Variants in CAPN8 observed in about 807,000 individuals in gnomAD.
CAPN8 encodes calpain-8.
Under a neutral mutation model 80.9 loss-of-function variants are expected in CAPN8, and 87 were observed. The observed-to-expected ratio is 1.07, with a 90% CI of 0.90 to 1.28. The LOEUF (loss-of-function observed/expected upper bound fraction) is 1.28. Among genes scored for constraint, CAPN8 ranks in the 50% most tolerant of loss-of-function variants. The pLI is 0.00. For missense variants in CAPN8, 757 were observed against 702.0 expected, an observed-to-expected ratio of 1.08 and a Z score of -0.89; for synonymous variants, 299 against 273.8, an observed-to-expected ratio of 1.09 and a Z score of -0.91.
intron 2 of CAPN8, among the ~76,000 whole-genome samples, chr1:223,633,546 C>G (rs1657833137): frequency 6.6e-6 from 1 of 152,082 alleles, no homozygotes. Context: ...CCTGTAGTAC[C>G]AGCTACTCAG....
At chr1:223,632,152 A>G (rs1408516488) in intron 2 of CAPN8, among the ~76,000 whole-genome samples, 5 of 152,206 alleles carry the variant, frequency 3.3e-5, no homozygotes, top group African/African-American at 1.2e-4. Context: ...CAGAGGCTCG[A>G]AGGGATGCTG....
At chr1:223,643,846 G>C (rs148822033) in intron 2 of CAPN8, among the ~76,000 whole-genome samples, 1 of 152,274 alleles carries the variant, frequency 6.6e-6, no homozygotes, top group South Asian at 2.1e-4. Flanking sequence ...GACTGAAGAC[G>C]GTAAACCCGT....
chr1:223,664,972 G>A (rs529359167), intron 1 of CAPN8, among the ~76,000 whole-genome samples: 2 of 152,072 alleles, frequency 1.3e-5, no homozygotes, highest in South Asian at 2.1e-4. Context: ...GTGATGGGGG[G>A]GCCAGATGCA....
chr1:223,612,299 A>C (rs1657048529), intron 10 of CAPN8, 42 bp from the exon 11 acceptor site: 1 of 1,233,898 alleles, frequency 8.1e-7, no homozygotes, highest in African/African-American at 1.6e-5. Flanking sequence ...GAGAGCTCCA[A>C]GGTCCTCCTT....
intron 1 of CAPN8, among the ~76,000 whole-genome samples, chr1:223,659,947 C>G (rs1257536467): frequency 1.3e-5 from 2 of 152,104 alleles, no homozygotes; most frequent in East Asian, 3.9e-4. Flanking sequence ...TATGTCTCTC[C>G]CTGATGAGCC....
chr1:223,622,213 G>C (rs1317445722), intron 7 of CAPN8, among the ~76,000 whole-genome samples: 2 of 152,152 alleles, frequency 1.3e-5, no homozygotes, highest in African/African-American at 4.8e-5. Context: ...TGCATGATGG[G>C]GACATGGATT....
rs751681462 is a variant in CAPN8 at position 223,550,975 on chromosome 1, C to T, written c.1684G>A (p.Glu562Lys). Residue 562 changes from glutamate to lysine, a missense_variant, in exon 15 of 21, where the codon GAG (glutamate) becomes AAG (lysine). By Grantham distance (56) the Glu-to-Lys change is moderately conservative. Transcript: ENST00000366872. Reference protein sequence around the residue: ...TANALKILLNEAFSKRTDIKF... With the variant: ...TANALKILLNKAFSKRTDIKF... The stretch of plus-strand genomic sequence containing the variant: ...AGGAACTTACTCTTGGAAAACGCCT[C>T]ATTCAAAAGTATCTTGAGTGCATTG... The T allele has an allele frequency of 7.0e-6, 5 of 718,256 alleles. No individual in the cohort carries two copies. The highest frequency in any genetic ancestry group is 5.9e-5 in the South Asian group (4 of 67,558). 44.5% of individuals were successfully genotyped at this position (718,256 alleles called of 1,614,324 possible). A position where few individuals can be genotyped will look rare whatever the true frequency, so the allele number is the denominator to read the frequency against.
At chr1:223,551,216 C>A (rs1468034939) in intron 14 of CAPN8, among the ~76,000 whole-genome samples, 199 bp from the exon 15 acceptor site, 1 of 152,120 alleles carries the variant, frequency 6.6e-6, no homozygotes, top group Non-Finnish European at 1.5e-5. Flanking sequence ...AATCTCTGCT[C>A]ACTGCAACCT....
chr1:223,655,707 G>C (rs1571741200), intron 1 of CAPN8, among the ~76,000 whole-genome samples: 2 of 152,298 alleles, frequency 1.3e-5, no homozygotes, highest in South Asian at 4.1e-4. Context: ...GATGATGGCT[G>C]CAAGACTTAG....
chr1:223,654,530 G>T, intron 1 of CAPN8, 131 bp from the exon 2 acceptor site: 1 of 772,674 alleles, frequency 1.3e-6, no homozygotes, highest in Non-Finnish European at 2.2e-6. Context: ...CCATCACATG[G>T]TTTTATTGCT....
chr1:223,622,914 A>G lies in CAPN8; in HGVS notation c.814-14T>C, dbSNP rs1418272059. 16 of 1,547,582 alleles carry G rather than the reference A, an allele frequency of 1.0e-5. No individual in the cohort carries two copies. In the Admixed American group the frequency reaches 2.5e-4, roughly 25 times the overall value. On this transcript the variant is annotated splice_polypyrimidine_tract_variant and intron_variant, in intron 6 of 20. Coordinates refer to ENST00000366872, the MANE Select transcript of CAPN8 (RefSeq NM_001143962.2). Reference sequence around the variant, plus strand: ...CTGGAAATTCACCTGCAAATTCCATACACAGAAAAGCGACTGAATTACTAT... The same window carrying G: ...CTGGAAATTCACCTGCAAATTCCATGCACAGAAAAGCGACTGAATTACTAT...
At chr1:223,630,303 T>G (rs1657736784) in intron 2 of CAPN8, among the ~76,000 whole-genome samples, 1 of 152,066 alleles carries the variant, frequency 6.6e-6, no homozygotes, top group Non-Finnish European at 1.5e-5. Flanking sequence ...TCACTCGCTC[T>G]CTCTCTCTGT....
At chr1:223,547,482 C>A (rs1325541144) in intron 16 of CAPN8, among the ~76,000 whole-genome samples, 1 of 152,108 alleles carries the variant, frequency 6.6e-6, no homozygotes, top group Non-Finnish European at 1.5e-5. Flanking sequence ...TGGAGAGCGA[C>A]TGGTAATAGG....
intron 8 of CAPN8, 122 bp from the exon 9 acceptor site, chr1:223,619,575 C>T (rs908557397): frequency 2.1e-6 from 2 of 949,760 alleles, no homozygotes; most frequent in African/African-American, 3.3e-5. Flanking sequence ...CTAGCTTGAT[C>T]TTTCCTACAG....
intron 17 of CAPN8, 69 bp from the exon 18 acceptor site, chr1:223,544,919 A>C: frequency 6.5e-7 from 1 of 1,547,966 alleles, no homozygotes; most frequent in Non-Finnish European, 8.7e-7. Context: ...ATCTCCCTCC[A>C]CCACACTGCT....
rs1003309645 is a variant in CAPN8 at position 223,541,655 on chromosome 1, G to A, written c.*181C>T. On this transcript the variant is annotated 3_prime_UTR_variant, in exon 21 of 21. Transcript: ENST00000366872. Reference sequence around the variant, plus strand: ...TTTAATTGATTGCTTTCCCTCCACTGGGCCCACCGGGTCGGCTTACATAGC... The same window carrying A: ...TTTAATTGATTGCTTTCCCTCCACTAGGCCCACCGGGTCGGCTTACATAGC... The A allele has an allele frequency of 1.2e-5, 10 of 824,446 alleles. No homozygotes were observed. Among genetic ancestry groups the A allele is most frequent in the African/African-American group, 3.4e-5 (2 of 58,800 alleles). 51.1% of individuals were successfully genotyped at this position (824,446 alleles called of 1,614,324 possible). A position where few individuals can be genotyped will look rare whatever the true frequency, so the allele number is the denominator to read the frequency against.
At chr1:223,622,268 T>G (rs1411630332) in intron 7 of CAPN8, among the ~76,000 whole-genome samples, 1 of 152,144 alleles carries the variant, frequency 6.6e-6, no homozygotes, top group African/African-American at 2.4e-5. Flanking sequence ...TGACTGACTT[T>G]CCCTCATCAG....
chr1:223,626,627 C>T (rs73123880), intron 5 of CAPN8, among the ~76,000 whole-genome samples: 6,296 of 152,222 alleles, frequency 0.041, 356 homozygotes, highest in East Asian at 0.15. Flanking sequence ...TCAATCATCA[C>T]ATTTGTTTTC....
intron 9 of CAPN8, among the ~76,000 whole-genome samples, chr1:223,618,848 G>C (rs1044673801): frequency 2.6e-5 from 4 of 152,218 alleles, no homozygotes; most frequent in Non-Finnish European, 5.9e-5. Flanking sequence ...AGGGCCTCCA[G>C]AGGGTGCCCA....
Sources: allele counts gnomAD v4.1 joint callset (sites outside exome capture counted in the v4.1 genomes callset), GRCh38; gene constraint gnomAD v4.1.1; transcripts MANE v1.5; gene names NCBI Gene and HGNC (gene_info 2026-07-23, HGNC 2026-07-21).